Variants in KCNN3 observed in about 807,000 individuals in gnomAD.
KCNN3 encodes the protein potassium calcium-activated channel subfamily N member 3, also known as small conductance calcium-activated potassium channel protein 3.
A neutral mutation model predicts 62.9 loss-of-function variants in KCNN3; 16 were observed. The observed-to-expected ratio is 0.25, with a 90% CI of 0.17 to 0.39. The LOEUF is 0.39. KCNN3 is among the 10% of genes least tolerant of loss of function. KCNN3 has a pLI of 1.00. For synonymous variants in KCNN3, 370 were observed against 389.2 expected, an observed-to-expected ratio of 0.95 and a Z score of 0.58; for missense variants, 599 against 949.4, an observed-to-expected ratio of 0.63 and a Z score of 4.85.
At chr1:154,755,858 AGAAGAAG>A (rs1378697336) in intron 3 of KCNN3, among the ~76,000 whole-genome samples, 1 of 122,142 alleles carries the variant, frequency 8.2e-6, no homozygotes, top group African/African-American at 3.0e-5. Flanking sequence ...GGAAGAAGGA[AGAAGAAG>A]GAAGAGGAAG....
At chr1:154,855,504 T>C (rs1032342410) in intron 1 of KCNN3, among the ~76,000 whole-genome samples, 1 of 152,202 alleles carries the variant, frequency 6.6e-6, no homozygotes, top group African/African-American at 2.4e-5. Flanking sequence ...ACCTTTTCTA[T>C]GTTTAGATAC....
At chr1:154,838,963 G>A (rs1340099463) in intron 1 of KCNN3, among the ~76,000 whole-genome samples, 4 of 152,174 alleles carry the variant, frequency 2.6e-5, no homozygotes, top group African/African-American at 9.7e-5. Context: ...TTTACCTACA[G>A]AAGGGCCAGT....
At chr1:154,789,429 A>G (rs1571277919) in intron 2 of KCNN3, among the ~76,000 whole-genome samples, 1 of 148,326 alleles carries the variant, frequency 6.7e-6, no homozygotes, top group Admixed American at 6.6e-5. Flanking sequence ...TCGGTGGGGC[A>G]GGGGGGGGCA....
chr1:154,784,516 C>T (rs1042834983), intron 2 of KCNN3, among the ~76,000 whole-genome samples: 7 of 152,228 alleles, frequency 4.6e-5, no homozygotes, highest in Admixed American at 4.6e-4. Flanking sequence ...CCCACCCTTC[C>T]ACAGGCCTAA....
Position 154,700,705 on chromosome 1 carries a change from A to C in KCNN3, c.*7271T>G, listed in dbSNP as rs1485562500. On this transcript the variant is annotated 3_prime_UTR_variant, in exon 8 of 8. Coordinates refer to ENST00000271915, the MANE Select transcript of KCNN3 (RefSeq NM_002249.6). ...GTAATCCCAGCTACTCGGGAGGCTG[A>C]GGCAGGAGAATTGCATGAACCCAGG... is the stretch of plus-strand genomic sequence containing the variant. 6.6e-6 allele frequency: 1 copy of C among 152,156 alleles called. No individual in the cohort carries two copies. The highest frequency in any genetic ancestry group is 2.4e-5 in the African/African-American group (1 of 41,420). 9.4% of individuals were successfully genotyped at this position (152,156 alleles called of 1,614,324 possible). A position where few individuals can be genotyped will look rare whatever the true frequency, so the allele number is the denominator to read the frequency against.
chr1:154,821,698 C>CT (rs943023956), intron 2 of KCNN3, among the ~76,000 whole-genome samples: 2 of 152,216 alleles, frequency 1.3e-5, no homozygotes, highest in African/African-American at 4.8e-5. Context: ...GCAGGTCTGC[C>CT]TCACTGAAGG....
intron 4 of KCNN3, among the ~76,000 whole-genome samples, chr1:154,728,739 C>A (rs755942476): frequency 6.6e-6 from 1 of 151,504 alleles, no homozygotes; most frequent in Non-Finnish European, 1.5e-5. Flanking sequence ...GAACAAGTTG[C>A]GTTGCATCCT....
chr1:154,745,771 T>G (rs1201672739), intron 3 of KCNN3, among the ~76,000 whole-genome samples: 4 of 152,252 alleles, frequency 2.6e-5, no homozygotes, highest in Admixed American at 6.5e-5. Flanking sequence ...TTTTCTTTCT[T>G]CTTATTAAAA....
chr1:154,731,540 T>C (rs553566752), intron 4 of KCNN3, among the ~76,000 whole-genome samples: 1 of 151,530 alleles, frequency 6.6e-6, no homozygotes, highest in East Asian at 1.9e-4. Flanking sequence ...GGGTGGGGAG[T>C]GGGGGCAGCC....
At chr1:154,743,608 G>A (rs1700874909) in intron 3 of KCNN3, among the ~76,000 whole-genome samples, 1 of 152,198 alleles carries the variant, frequency 6.6e-6, no homozygotes, top group Admixed American at 6.5e-5. Context: ...TACACAGTCG[G>A]TGGAAAGCGT....
At chr1:154,857,501 C>A (rs1315399203) in intron 1 of KCNN3, among the ~76,000 whole-genome samples, 1 of 64,790 alleles carries the variant, frequency 1.5e-5, no homozygotes, top group Non-Finnish European at 2.9e-5. Context: ...TGGCAGGGGA[C>A]TGAGGGTGGC....
chr1:154,747,070 A>C (rs924118378), intron 3 of KCNN3, among the ~76,000 whole-genome samples: 2 of 152,172 alleles, frequency 1.3e-5, no homozygotes, highest in Non-Finnish European at 2.9e-5. Context: ...ATTCGTGGGC[A>C]GTCCCACCAG....
At chr1:154,798,587 C>A (rs10796932) in intron 2 of KCNN3, among the ~76,000 whole-genome samples, 118,893 of 152,138 alleles carry the variant, frequency 0.78, 48,119 homozygotes, top group East Asian at 0.94. Flanking sequence ...ACATTGTTTA[C>A]ACTAATGTAG....
chr1:154,723,645 A>G (rs1423514217), intron 5 of KCNN3, among the ~76,000 whole-genome samples: 1 of 152,184 alleles, frequency 6.6e-6, no homozygotes, highest in Admixed American at 6.5e-5. Context: ...AAGGAATAAC[A>G]CCAAATACAA....
At chr1:154,824,036 C>T (rs949754433) in intron 1 of KCNN3, among the ~76,000 whole-genome samples, 1 of 152,170 alleles carries the variant, frequency 6.6e-6, no homozygotes, top group Non-Finnish European at 1.5e-5. Flanking sequence ...GTAACTAATT[C>T]ATTCACTCTT....
chr1:154,754,615 G>C (rs1215842239), intron 3 of KCNN3, among the ~76,000 whole-genome samples: 1 of 152,176 alleles, frequency 6.6e-6, no homozygotes, highest in Non-Finnish European at 1.5e-5. Context: ...ATGGCTAAAA[G>C]GTAGGTGGGA....
intron 2 of KCNN3, among the ~76,000 whole-genome samples, chr1:154,783,348 C>T (rs1434277109): frequency 6.6e-6 from 1 of 152,236 alleles, no homozygotes; most frequent in African/African-American, 2.4e-5. Flanking sequence ...GGTGTCCACA[C>T]CACCTGGGAA....
At chr1:154,810,480 G>A (rs1274860776) in intron 2 of KCNN3, among the ~76,000 whole-genome samples, 1 of 152,148 alleles carries the variant, frequency 6.6e-6, no homozygotes, top group Non-Finnish European at 1.5e-5. Flanking sequence ...GCAAGGCAGA[G>A]AAACTGAAGC....
intron 1 of KCNN3, chr1:154,868,317 C>G (rs778452905): frequency 4.4e-5 from 43 of 986,170 alleles, no homozygotes; most frequent in Non-Finnish European, 4.6e-5. Context: ...ATTCTGAGTC[C>G]TCTCTCCTGA....
Sources: allele counts gnomAD v4.1 joint callset (sites outside exome capture counted in the v4.1 genomes callset), GRCh38; gene constraint gnomAD v4.1.1; transcripts MANE v1.5; gene names NCBI Gene and HGNC (gene_info 2026-07-23, HGNC 2026-07-21).